Variants in COL1A1 observed in about 807,000 individuals in gnomAD.
The protein encoded by COL1A1 is collagen type I alpha 1 chain.
In COL1A1, 21 loss-of-function variants were observed where a neutral mutation model predicts 195.7. The ratio of observed to expected loss-of-function variants is 0.11; its 90% confidence interval spans 0.08 to 0.15. The LOEUF (loss-of-function observed/expected upper bound fraction) is 0.15, where lower values mean the gene tolerates loss of function less well. Among genes scored for constraint, COL1A1 ranks in the 10% least tolerant of loss-of-function variants. The pLI, the probability that COL1A1 is intolerant of heterozygous loss-of-function variation, is 1.00. For synonymous variants in COL1A1, 749 were observed against 747.3 expected, an observed-to-expected ratio of 1.00 and a Z score of -0.04; for missense variants, 1,365 against 2,051.0, an observed-to-expected ratio of 0.67 and a Z score of 6.46.
intron 1 of COL1A1, among the ~76,000 whole-genome samples, chr17:50,200,914 C>A (rs1220786250): frequency 6.6e-6 from 1 of 152,236 alleles, no homozygotes; most frequent in East Asian, 1.9e-4. Flanking sequence ...CCCGCCGAGT[C>A]CGCGCCAAAG....
chr17:50,201,521 CCCTAGACATGTAGA>C lies in COL1A1; in HGVS notation c.-22_-9del. 1 of 1,606,788 alleles carries C rather than the reference CCCTAGACATGTAGA, an allele frequency of 6.2e-7. No individual in the cohort carries two copies. Among genetic ancestry groups the C allele is most frequent in the South Asian group, 1.1e-5 (1 of 90,688 alleles). ...GTCCACAAAGCTGAACATGTCTAGA[CCCTAGACATGTAGA>C]CTCTTTGTGGCTGGGGAGGGGGTTA... On this transcript the variant is annotated 5_prime_UTR_variant, in exon 1 of 51. The change abolishes an upstream ATG in the 5' untranslated region. Coordinates refer to ENST00000225964, the MANE Select transcript of COL1A1 (RefSeq NM_000088.4).
In COL1A1 at chr17:50,190,022, G is replaced by A. The variant is rs758123056; in HGVS notation, c.2538C>T (p.Pro846=). The A allele has an allele frequency of 5.0e-6, 8 of 1,612,528 alleles. No homozygotes were observed. The highest frequency in any genetic ancestry group is 6.8e-6 in the Non-Finnish European group (8 of 1,179,440). The change falls in exon 36 of 51, where the codon CCC becomes CCT. Residue 846 remains proline (P), a synonymous_variant. Coordinates refer to ENST00000225964, the MANE Select transcript of COL1A1 (RefSeq NM_000088.4). This position sits in a 1 kb window ranked among gnomAD's most constrained non-coding sequence, Gnocchi z 4.7. Reference sequence around the variant, plus strand: ...TCACAATGGGGCCAGGGGGTCCAGCGGGTCCGGCAGGGCCAGGGGGACCAG... The same window carrying A: ...TCACAATGGGGCCAGGGGGTCCAGCAGGTCCGGCAGGGCCAGGGGGACCAG... The part of the protein sequence containing the change: ...GDAGPPGPAG[P]AGPPGPIGNV...
Position 50,195,519 on chromosome 17 carries a change from T to A in COL1A1, c.1156-41A>T. On this transcript the variant is annotated intron_variant, in intron 17 of 50. Coordinates refer to ENST00000225964, the MANE Select transcript of COL1A1 (RefSeq NM_000088.4). This position sits in a 1 kb window ranked among gnomAD's most constrained non-coding sequence, Gnocchi z 4.3. ...AGGAGTGTCAGCAACAGGCAAGGAC[T>A]CTGAGGTTAGAAAGTGGCAAAGGGG... 1.2e-6 allele frequency: 2 copies of A among 1,613,876 alleles called. No individual in the cohort carries two copies. Among genetic ancestry groups the A allele is most frequent in the Non-Finnish European group, 1.7e-6 (2 of 1,179,912 alleles).
In COL1A1 at chr17:50,194,846, G is replaced by T; in HGVS notation, c.1354-18C>A. 6.4e-7 allele frequency: 1 copy of T among 1,570,332 alleles called. No homozygotes were observed. ...ACAGGGCCCTGGAGAGGGCCGAGAG[G>T]AGGAGGCGGCCTGTGGTGAGGGGCC... On this transcript the variant is annotated intron_variant, in intron 20 of 50. Coordinates refer to ENST00000225964, the MANE Select transcript of COL1A1 (RefSeq NM_000088.4). The surrounding 1 kb of genome is among the most constrained non-coding windows in gnomAD (Gnocchi z 6.8).
intron 32 of COL1A1, 103 bp downstream of exon 32, chr17:50,191,280 G>T: frequency 1.8e-6 from 2 of 1,128,586 alleles, no homozygotes; most frequent in Non-Finnish European, 2.7e-6. Flanking sequence ...GGATTAGCGA[G>T]AAGAGGGACA....
chr17:50,192,417 G>C (rs1445842431), intron 29 of COL1A1, 58 bp downstream of exon 29: 2 of 1,531,658 alleles, frequency 1.3e-6, no homozygotes, highest in Admixed American at 2.0e-5. Flanking sequence ...AGGAGCGGGG[G>C]CCTGTCCCTC....
At position 50,189,941 on chromosome 17, in the gene COL1A1, T is replaced by C; in HGVS notation, c.2560-29A>G. The C allele has an allele frequency of 6.2e-7, 1 of 1,611,378 alleles. No individual in the cohort carries two copies. The highest frequency in any genetic ancestry group is 8.5e-7 in the Non-Finnish European group (1 of 1,178,812). ...TAGGAGAGCACAGAGGCATCAAGCC[T>C]GGACCCGTCCTGGGTCCCAGCCCAC... is the stretch of plus-strand genomic sequence containing the variant. On this transcript the variant is annotated intron_variant, in intron 36 of 50. Coordinates refer to ENST00000225964, the MANE Select transcript of COL1A1 (RefSeq NM_000088.4). The surrounding 1 kb of genome is among the most constrained non-coding windows in gnomAD (Gnocchi z 5.5).
rs147447144 is a variant in COL1A1, at chr17:50,186,177, A to C, written c.4005+140T>G. ...ATCGGCAGCCTGTGTCTGAACCACT[A>C]TCAGGGACCTGAGACCCCTGCCTCC... On this transcript the variant is annotated intron_variant, in intron 49 of 50. Transcript: ENST00000225964. The surrounding 1 kb of genome is among the most constrained non-coding windows in gnomAD (Gnocchi z 5.3). 2.7e-6 allele frequency: 4 copies of C among 1,504,466 alleles called. No homozygotes were observed. The highest frequency in any genetic ancestry group is 1.4e-5 in the African/African-American group (1 of 72,880). 93.2% of individuals were successfully genotyped at this position (1,504,466 alleles called of 1,614,324 possible). A position where few individuals can be genotyped will look rare whatever the true frequency, so the allele number is the denominator to read the frequency against.
Position 50,190,455 on chromosome 17 carries a change from AG to A in COL1A1, c.2398-76del, listed in dbSNP as rs1443108352. 1 of 1,579,432 alleles carries A rather than the reference AG, an allele frequency of 6.3e-7. No individual in the cohort carries two copies. Among genetic ancestry groups the A allele is most frequent in the Non-Finnish European group, 8.7e-7 (1 of 1,148,736 alleles). On this transcript the variant is annotated intron_variant, in intron 34 of 50. Transcript: ENST00000225964. This position sits in a 1 kb window ranked among gnomAD's most constrained non-coding sequence, Gnocchi z 4.7. The stretch of plus-strand genomic sequence containing the variant: ...CGGGGATGCGGTGAGGGGAGAGGCA[AG>A]GGGTGAAGGCACAGACAGGGCCAGG...
In COL1A1 at chr17:50,195,342, A is replaced by G. The variant is rs1475476779; in HGVS notation, c.1201-12T>C. Reference sequence around the variant, plus strand: ...ATACCAGGAGCACCCTGTGGGAGGCAGACAGCCAGGGCGTGAGCCTAGGAG... The same window carrying G: ...ATACCAGGAGCACCCTGTGGGAGGCGGACAGCCAGGGCGTGAGCCTAGGAG... On this transcript the variant is annotated splice_polypyrimidine_tract_variant and intron_variant, in intron 18 of 50. Transcript: ENST00000225964. This position sits in a 1 kb window ranked among gnomAD's most constrained non-coding sequence, Gnocchi z 4.3. The G allele has an allele frequency of 5.0e-6, 8 of 1,613,824 alleles. No homozygotes were observed. Among genetic ancestry groups the G allele is most frequent in the Middle Eastern group, 1.6e-4 (1 of 6,084 alleles).
rs538187447 is a variant in COL1A1, at chr17:50,187,472, G to A, written c.3423+12C>T. The A allele has an allele frequency of 6.2e-7, 1 of 1,613,980 alleles. No homozygotes were observed. The highest frequency in any genetic ancestry group is 1.3e-5 in the African/African-American group (1 of 75,030). The stretch of plus-strand genomic sequence containing the variant: ...TGGGGCTCAGGAAGAGGAGAGAGAA[G>A]GCATGACTTACTCGGGGACCAGCAG... On this transcript the variant is annotated intron_variant, in intron 46 of 50. Coordinates refer to ENST00000225964, the MANE Select transcript of COL1A1 (RefSeq NM_000088.4).
rs142128554 is a variant in COL1A1, at chr17:50,186,340, C to T, written c.3982G>A (p.Glu1328Lys). ...ACCTGGAATCCATCGGTCATGCTCT[C>T]GCCGAACCAGACATGCCTCTTGTCC... Reference protein sequence around the residue: ...PKDKRHVWFGESMTDGFQFEY... With the variant: ...PKDKRHVWFGKSMTDGFQFEY... Residue 1328 changes from glutamate (E) to lysine (K), a missense_variant, in exon 49 of 51, where the codon GAG becomes AAG. By Grantham distance (56) the Glu-to-Lys change is moderately conservative. Around this residue, in one of 5 missense-constraint regions of COL1A1, gnomAD observed 273 missense variants for 338.6 expected, o/e 0.81. Transcript: ENST00000225964. The surrounding 1 kb of genome is among the most constrained non-coding windows in gnomAD (Gnocchi z 5.3). The T allele has an allele frequency of 3.7e-6, 6 of 1,614,234 alleles. No individual in the cohort carries two copies. The highest frequency in any genetic ancestry group is 1.7e-5 in the Admixed American group (1 of 60,030).
At position 50,187,038 on chromosome 17, in the gene COL1A1, G is replaced by A. The variant is rs1373318649; in HGVS notation, c.3508C>T (p.Arg1170Cys). The A allele has an allele frequency of 6.2e-7, 1 of 1,613,702 alleles. No individual in the cohort carries two copies. The highest frequency in any genetic ancestry group is 8.5e-7 in the Non-Finnish European group (1 of 1,179,868). ...ACAACAGGACCAGCATCACCAGTGC[G>A]ACCGCGAGGACCAGGGGGCCCAATG... ...GPIGPPGPRG[R>C]TGDAGPVGPP... Residue 1170 changes from arginine to cysteine, a missense_variant, in exon 47 of 51, where the codon CGC (arginine) becomes TGC (cysteine). Physicochemically the swap from Arg to Cys is radical, Grantham distance 180. This residue lies in a region of COL1A1 where 671 missense variants were observed against 1,099.9 expected (regional missense o/e 0.61). Transcript: ENST00000225964.
chr17:50,190,792 G>A lies in COL1A1; in HGVS notation c.2343+25C>T. 1 of 1,587,080 alleles carries A rather than the reference G, an allele frequency of 6.3e-7. No individual in the cohort carries two copies. The highest frequency in any genetic ancestry group is 8.7e-7 in the Non-Finnish European group (1 of 1,155,512). Reference sequence around the variant, plus strand: ...GCTGAGGAGGCTATGTGTTAGGGCAGAAGGTGGGGAGGCGGCCACCTCACC... The same window carrying A: ...GCTGAGGAGGCTATGTGTTAGGGCAAAAGGTGGGGAGGCGGCCACCTCACC... On this transcript the variant is annotated intron_variant, in intron 33 of 50. Transcript: ENST00000225964. This position sits in a 1 kb window ranked among gnomAD's most constrained non-coding sequence, Gnocchi z 4.7.
chr17:50,201,348 C>G (rs1008793786), intron 1 of COL1A1, 63 bp downstream of exon 1: 2 of 1,504,806 alleles, frequency 1.3e-6, no homozygotes, highest in Admixed American at 1.8e-5. Flanking sequence ...AGCCGCGGCC[C>G]CCGGGACCAA....
In COL1A1 at chr17:50,189,899, G is replaced by A. The variant is rs550053089; in HGVS notation, c.2573C>T (p.Ala858Val). 7 of 1,611,266 alleles carry A rather than the reference G, an allele frequency of 4.3e-6. No homozygotes were observed. The Admixed American group carries it at 6.7e-5, about 15-fold the overall frequency. ...GPPGPIGNVG[A>V]PGAKGARGSA... ...GCCGCGAGCACCTTTGGCTCCAGGA[G>A]CACCAACATTACCCTGTAGGAGAGC... The change falls in exon 37 of 51, where the codon GCT becomes GTT. Residue 858 changes from alanine (A) to valine (V), a missense_variant. Ala to Val is a moderately conservative substitution (Grantham distance 64). This residue lies in a region of COL1A1 where 671 missense variants were observed against 1,099.9 expected (regional missense o/e 0.61). Coordinates refer to ENST00000225964, the MANE Select transcript of COL1A1 (RefSeq NM_000088.4). The surrounding 1 kb of genome is among the most constrained non-coding windows in gnomAD (Gnocchi z 5.5).
Position 50,194,602 on chromosome 17 carries a change from G to T in COL1A1, c.1486C>A (p.Pro496Thr). ...ERGGPGSRGFPGADGVAGPKG... is the reference protein window; with the variant it reads ...ERGGPGSRGFTGADGVAGPKG... ...GGACCAGCAACACCATCTGCGCCAG[G>T]GAAACCACGGCTACCAGGTCCACCC... is the stretch of plus-strand genomic sequence containing the variant. Residue 496 changes from proline to threonine, a missense_variant, in exon 22 of 51, where the codon CCT becomes ACT. Around this residue, in one of 5 missense-constraint regions of COL1A1, gnomAD observed 671 missense variants for 1,099.9 expected, o/e 0.61. Transcript: ENST00000225964. This position sits in a 1 kb window ranked among gnomAD's most constrained non-coding sequence, Gnocchi z 6.8. 6.4e-7 allele frequency: 1 copy of T among 1,572,134 alleles called. No individual in the cohort carries two copies.
At position 50,194,470 on chromosome 17, in the gene COL1A1, A is replaced by G; in HGVS notation, c.1516-23T>C. 1.2e-6 allele frequency: 2 copies of G among 1,613,656 alleles called. No homozygotes were observed. Among genetic ancestry groups the G allele is most frequent in the Non-Finnish European group, 1.7e-6 (2 of 1,179,658 alleles). On this transcript the variant is annotated intron_variant, in intron 22 of 50. Transcript: ENST00000225964. This position sits in a 1 kb window ranked among gnomAD's most constrained non-coding sequence, Gnocchi z 6.8. Reference sequence around the variant, plus strand: ...ACCCTGGTTGGGGGAAGTCACAGGAACAGTTAGGGTCTCAAGTTTGTGGCT... The same window carrying G: ...ACCCTGGTTGGGGGAAGTCACAGGAGCAGTTAGGGTCTCAAGTTTGTGGCT...
At chr17:50,196,284 G>C in intron 14 of COL1A1, 30 bp downstream of exon 14, 1 of 1,608,596 alleles carries the variant, frequency 6.2e-7, no homozygotes, top group South Asian at 1.1e-5. Flanking sequence ...CCAGAGCTCA[G>C]GGATCCCCCA....
Sources: gnomAD v4.1 joint callset for allele counts (sites outside exome capture counted in the v4.1 genomes callset) on GRCh38, gnomAD v4.1.1 for gene constraint, gnomAD v4.1.1 regional missense constraint, Gnocchi (gnomAD v3.1) non-coding constraint, MANE v1.5 for transcripts, NCBI Gene and HGNC (gene_info 2026-07-23, HGNC 2026-07-21) for gene names.